Variants in WWTR1 observed in about 807,000 individuals in gnomAD.
The protein encoded by WWTR1 is WW domain-containing transcription regulator protein 1.
WWTR1 carries 13 observed loss-of-function variants against 40.1 expected under a neutral mutation model. The observed-to-expected ratio is 0.32, with a 90% confidence interval of 0.21 to 0.52. The LOEUF is 0.52. WWTR1 is among the 20% of genes least tolerant of loss of function. The probability of loss-of-function intolerance (pLI) is 0.97; values close to 1 mark genes in which losing one functional copy is unlikely to be tolerated. For synonymous variants in WWTR1, 230 were observed against 210.1 expected (o/e 1.09, Z -0.82); for missense variants, 436 against 523.1 (o/e 0.83, Z 1.63).
intron 2 of WWTR1, among the ~76,000 whole-genome samples, chr3:149,606,033 T>C (rs1739465434): frequency 6.6e-6 from 1 of 152,186 alleles, no homozygotes; most frequent in African/African-American, 2.4e-5. Flanking sequence ...AAGGCCCTCA[T>C]GAAAGAGGCC....
intron 2 of WWTR1, among the ~76,000 whole-genome samples, chr3:149,620,604 T>C (rs1158043689): frequency 6.9e-6 from 1 of 145,982 alleles, no homozygotes; most frequent in African/African-American, 2.5e-5. Flanking sequence ...TGTAAAAGAC[T>C]TCTTTAAAAC....
chr3:149,522,551 T>A lies in WWTR1; in HGVS notation c.1019-1562A>T, dbSNP rs563439193. Among the ~76,000 whole-genome samples, 85 of 152,260 alleles carry A rather than the reference T, an allele frequency of 5.6e-4. 1 individual carries two copies. The highest frequency in any genetic ancestry group is 9.1e-4 in the Non-Finnish European group (62 of 68,002). On this transcript the variant is annotated intron_variant, in intron 6 of 6. Coordinates refer to ENST00000360632, the MANE Select transcript of WWTR1 (RefSeq NM_015472.6). ...CGAAAAAACAAAATCCAAAATAACT[T>A]TCTTCTACTTACTAGAGTGTAACAG...
chr3:149,671,624 CT>C (rs1055567527), intron 1 of WWTR1, among the ~76,000 whole-genome samples: 3 of 152,188 alleles, frequency 2.0e-5, no homozygotes, highest in Admixed American at 6.5e-5. Flanking sequence ...TTGCAATTTG[CT>C]TTGAAATATC....
At chr3:149,640,330 T>G (rs112891385) in intron 2 of WWTR1, among the ~76,000 whole-genome samples, 1 of 152,070 alleles carries the variant, frequency 6.6e-6, no homozygotes, top group African/African-American at 2.4e-5. Context: ...CTTAAAGAAC[T>G]TTTTGAAAGT....
intron 1 of WWTR1, among the ~76,000 whole-genome samples, chr3:149,686,529 A>ATC (rs1382245789): frequency 2.6e-5 from 4 of 152,054 alleles, no homozygotes; most frequent in Non-Finnish European, 5.9e-5. Context: ...GCAAGACACC[A>ATC]TCTCTCTCTA....
intron 5 of WWTR1, among the ~76,000 whole-genome samples, chr3:149,710,766 G>A (rs554870272): frequency 6.6e-6 from 1 of 151,792 alleles, no homozygotes; most frequent in African/African-American, 2.4e-5. Context: ...TTTTAGTAGA[G>A]ACGGGGTTTC....
chr3:149,630,933 T>C (rs1325799470), intron 2 of WWTR1, among the ~76,000 whole-genome samples: 5 of 152,198 alleles, frequency 3.3e-5, no homozygotes, highest in Non-Finnish European at 5.9e-5. Context: ...AATCTAATGA[T>C]GGAAAGGACA....
At chr3:149,698,058 C>G (rs1419037023) in intron 1 of WWTR1, among the ~76,000 whole-genome samples, 2 of 152,230 alleles carry the variant, frequency 1.3e-5, no homozygotes, top group Non-Finnish European at 2.9e-5. Context: ...TGTGATTGCT[C>G]TCACAGGTTG....
At chr3:149,674,056 C>CAAAAAAAAAAAAAAAAAAAA (rs71138404) in intron 1 of WWTR1, among the ~76,000 whole-genome samples, 57 of 121,840 alleles carry the variant, frequency 4.7e-4, no homozygotes, top group African/African-American at 1.7e-3. Flanking sequence ...CTCGTCTCTA[C>CAAAAAAAAAAAAAAAAAAAA]AAAAAAAAAA....
chr3:149,581,485 C>T (rs1350982735), intron 2 of WWTR1, among the ~76,000 whole-genome samples: 2 of 152,132 alleles, frequency 1.3e-5, no homozygotes, highest in South Asian at 2.1e-4. Flanking sequence ...TTCACTTAAG[C>T]AGCTCATCAA....
intron 5 of WWTR1, among the ~76,000 whole-genome samples, chr3:149,715,380 A>C (rs540547957): frequency 1.3e-5 from 2 of 152,220 alleles, no homozygotes; most frequent in South Asian, 2.1e-4. Context: ...CCAGCTGGGG[A>C]AGTTGCTTGC....
chr3:149,534,306 G>T (rs896989166), intron 4 of WWTR1, among the ~76,000 whole-genome samples: 19 of 152,282 alleles, frequency 1.2e-4, no homozygotes, highest in Middle Eastern at 3.4e-3. Context: ...AAGTCTCAGT[G>T]TGGCAGAGAA....
chr3:149,673,324 A>G (rs1714156352), intron 1 of WWTR1, among the ~76,000 whole-genome samples: 1 of 152,252 alleles, frequency 6.6e-6, no homozygotes. Context: ...GGTTTTAATT[A>G]CTTTATTCAA....
chr3:149,606,074 T>G lies in WWTR1; in HGVS notation c.432-33074A>C, dbSNP rs1197543205. Among the ~76,000 whole-genome samples, 3 of 152,202 alleles carry G rather than the reference T, an allele frequency of 2.0e-5. No homozygotes were observed. In the East Asian group the frequency reaches 5.8e-4, roughly 29 times the overall value. ...GAGCTTGTTTATCCCTTCTACCATA[T>G]GATGACTCGGGTAGAAGGCATGATC... is the stretch of plus-strand genomic sequence containing the variant. On this transcript the variant is annotated intron_variant, in intron 2 of 6. Coordinates refer to ENST00000360632, the MANE Select transcript of WWTR1 (RefSeq NM_015472.6).
At chr3:149,533,583 G>A (rs146493872) in intron 4 of WWTR1, among the ~76,000 whole-genome samples, 2 of 152,318 alleles carry the variant, frequency 1.3e-5, no homozygotes, top group African/African-American at 4.8e-5. Flanking sequence ...CCGGATTTCT[G>A]AAACAGTAGT....
intron 2 of WWTR1, among the ~76,000 whole-genome samples, chr3:149,595,111 AC>A (rs1738932594): frequency 6.6e-6 from 1 of 151,220 alleles, no homozygotes; most frequent in Non-Finnish European, 1.5e-5. Context: ...ACAGGCATGC[AC>A]CACCACGCCC....
intron 2 of WWTR1, among the ~76,000 whole-genome samples, chr3:149,613,761 G>C (rs1739843513): frequency 6.6e-6 from 1 of 152,026 alleles, no homozygotes; most frequent in Non-Finnish European, 1.5e-5. Context: ...GCCCAGGCTG[G>C]TCTCGAAATC....
At chr3:149,676,188 T>C (rs965744676) in intron 1 of WWTR1, among the ~76,000 whole-genome samples, 1 of 152,110 alleles carries the variant, frequency 6.6e-6, no homozygotes, top group Non-Finnish European at 1.5e-5. Flanking sequence ...GATGTCCTTG[T>C]CAACCTATTT....
At chr3:149,668,744 C>A (rs546553380) in intron 2 of WWTR1, among the ~76,000 whole-genome samples, 2 of 152,230 alleles carry the variant, frequency 1.3e-5, no homozygotes, top group South Asian at 4.1e-4. Context: ...TTAATAAATT[C>A]TCTGACAACA....
Sources: gnomAD v4.1 joint callset for allele counts (sites outside exome capture counted in the v4.1 genomes callset) on GRCh38, gnomAD v4.1.1 for gene constraint, MANE v1.5 for transcripts, NCBI Gene and HGNC (gene_info 2026-07-23, HGNC 2026-07-21) for gene names.